Variants in CDC42BPA observed in about 807,000 individuals in gnomAD.
CDC42BPA encodes the protein CDC42 binding protein kinase alpha.
CDC42BPA carries 80 observed loss-of-function variants against 223.5 expected under a neutral mutation model. That is an observed-to-expected ratio of 0.36 (90% CI 0.30 to 0.43). CDC42BPA has a LOEUF of 0.43. CDC42BPA is among the 20% of genes least tolerant of loss of function. The pLI, the probability that CDC42BPA is intolerant of heterozygous loss-of-function variation, is 1.00. For missense variants in CDC42BPA, 1,743 were observed against 2,099.9 expected, an observed-to-expected ratio of 0.83 and a Z score of 3.32; for synonymous variants, 694 against 718.6, an observed-to-expected ratio of 0.97 and a Z score of 0.55.
intron 35 of CDC42BPA, 24 bp from the exon 36 acceptor site, chr1:226,995,004 A>G (rs745506924): frequency 1.3e-5 from 21 of 1,602,686 alleles, no homozygotes; most frequent in East Asian, 2.2e-5. Flanking sequence ...TGCAGGCAAA[A>G]TTTTACATAT....
At position 227,145,506 on chromosome 1, in the gene CDC42BPA, C is replaced by A; in HGVS notation, c.1126G>T (p.Asp376Tyr). The part of the protein sequence containing the change: ...TDTSNFDVDD[D>Y]CLKNSETMPP... Reference sequence around the variant, plus strand: ...ATACTTACAGAATTTTTTAAACAATCATCATCTACATCAAAATTCGATGTA... The same window carrying A: ...ATACTTACAGAATTTTTTAAACAATAATCATCTACATCAAAATTCGATGTA... The change falls in exon 8 of 37, where the codon GAT (aspartate) becomes TAT (tyrosine). Residue 376 changes from aspartate (D) to tyrosine (Y), a missense_variant. By Grantham distance (160) the Asp-to-Tyr change is radical. Coordinates refer to ENST00000366766, the MANE Select transcript of CDC42BPA (RefSeq NM_001394014.1). 1 of 1,613,170 alleles carries A rather than the reference C, an allele frequency of 6.2e-7. No individual in the cohort carries two copies. The highest frequency in any genetic ancestry group is 8.5e-7 in the Non-Finnish European group (1 of 1,179,524).
intron 5 of CDC42BPA, among the ~76,000 whole-genome samples, chr1:227,190,987 A>G (rs1037227745): frequency 6.6e-6 from 1 of 152,206 alleles, no homozygotes; most frequent in Admixed American, 6.5e-5. Flanking sequence ...AAGCATGATA[A>G]CTAGAAGAGA....
chr1:227,121,767 T>C (rs1234353457), intron 11 of CDC42BPA, among the ~76,000 whole-genome samples: 1 of 152,028 alleles, frequency 6.6e-6, no homozygotes, highest in East Asian at 1.9e-4. Flanking sequence ...TTTAAGTTTT[T>C]AACATTTTTA....
At chr1:227,051,847 A>G (rs1345798315) in intron 22 of CDC42BPA, 34 bp downstream of exon 22, 1 of 1,223,088 alleles carries the variant, frequency 8.2e-7, no homozygotes, top group East Asian at 4.7e-5. Context: ...ACACAAGTGA[A>G]AAGTTGGGGA....
intron 2 of CDC42BPA, among the ~76,000 whole-genome samples, chr1:227,229,202 TG>T (rs1477502245): frequency 1.3e-5 from 2 of 152,220 alleles, no homozygotes; most frequent in Non-Finnish European, 2.9e-5. Context: ...GAATATGGTA[TG>T]AAGTAGAGTC....
intron 11 of CDC42BPA, among the ~76,000 whole-genome samples, chr1:227,121,576 T>C (rs1418838475): frequency 1.3e-5 from 2 of 152,192 alleles, no homozygotes; most frequent in Non-Finnish European, 2.9e-5. Context: ...ATCTGAACAG[T>C]ATCAATTAAT....
rs764895294 is a variant in CDC42BPA at position 227,101,030 on chromosome 1, C to A, written c.2211G>T (p.Met737Ile). The change falls in exon 15 of 37, where the codon ATG becomes ATT. Residue 737 changes from methionine (M) to isoleucine (I), a missense_variant. Physicochemically the swap from Met to Ile is conservative, Grantham distance 10. Coordinates refer to ENST00000366766, the MANE Select transcript of CDC42BPA (RefSeq NM_001394014.1). The stretch of plus-strand genomic sequence containing the variant: ...TTTTTTCCAATTTGTCTTTTAAAAT[C>A]ATAATTTCTTTGTTGAGAGCAAGTT... ...GQQLALNKEI[M>I]ILKDKLEKTR... 1.3e-6 allele frequency: 2 copies of A among 1,542,670 alleles called. No individual in the cohort carries two copies. The highest frequency in any genetic ancestry group is 8.9e-7 in the Non-Finnish European group (1 of 1,121,238).
intron 12 of CDC42BPA, among the ~76,000 whole-genome samples, chr1:227,115,221 A>G (rs547298789): frequency 6.6e-4 from 100 of 152,128 alleles, no homozygotes; most frequent in Admixed American, 1.8e-3. Context: ...AAAAAAAGAT[A>G]GTAGAAACAC....
rs1198540235 is a variant in CDC42BPA at position 227,035,512 on chromosome 1, G to C, written c.3295C>G (p.Pro1099Ala). 2 of 1,610,854 alleles carry C rather than the reference G, an allele frequency of 1.2e-6. No individual in the cohort carries two copies. The highest frequency in any genetic ancestry group is 1.7e-6 in the Non-Finnish European group (2 of 1,178,900). ...TATGCTGTTCCTATTCCTTTCTGAG[G>C]ATCTATACCCAGGGGACCTTTTGTC... ...EQTKGPLGID[P>A]QKGIGTAYEG... Residue 1099 changes from proline to alanine, a missense_variant, in exon 25 of 37, where the codon CCT becomes GCT. By Grantham distance (27) the Pro-to-Ala change is conservative. Transcript: ENST00000366766.
rs562176213 is a variant in CDC42BPA, at chr1:227,020,531, A to G, written c.4615+2732T>C. ...GAGATGGCTTCCTTCCTTAAATCTC[A>G]TAAGCCAAACTCTGCTAGCTTCTTT... On this transcript the variant is annotated intron_variant, in intron 32 of 36. Transcript: ENST00000366766. Among the ~76,000 whole-genome samples the G allele has an allele frequency of 3.3e-3, 498 of 152,336 alleles. 3 individuals carry two copies. The highest frequency in any genetic ancestry group is 5.4e-3 in the Non-Finnish European group (368 of 68,038).
chr1:227,206,630 T>C (rs1672772651), intron 3 of CDC42BPA, among the ~76,000 whole-genome samples: 1 of 152,190 alleles, frequency 6.6e-6, no homozygotes, highest in South Asian at 2.1e-4. Context: ...GAAGGATTTT[T>C]AGAAATGTTT....
chr1:227,122,883 CT>C, intron 11 of CDC42BPA, among the ~76,000 whole-genome samples: 1 of 152,306 alleles, frequency 6.6e-6, no homozygotes, highest in South Asian at 2.1e-4. Context: ...TTTACTTTCA[CT>C]ACAACAAATA....
rs144315239 is a variant in CDC42BPA at position 227,058,913 on chromosome 1, C to T, written c.2905-6928G>A. ...ACAAGATTTCTCTAGAACTGATTTA[C>T]ATAAATTATAGTCAATAAGATGTAT... On this transcript the variant is annotated intron_variant, in intron 21 of 36. Transcript: ENST00000366766. 5.1e-3 allele frequency among the ~76,000 whole-genome samples: 773 copies of T among 150,838 alleles called. 7 individuals carry two copies. Among genetic ancestry groups the T allele is most frequent in the Non-Finnish European group, 7.4e-3 (503 of 67,748 alleles).
intron 16 of CDC42BPA, among the ~76,000 whole-genome samples, chr1:227,081,376 C>T (rs1680607437): frequency 6.6e-6 from 1 of 151,758 alleles, no homozygotes; most frequent in African/African-American, 2.4e-5. Flanking sequence ...AAAATGAATT[C>T]CCATGAGCCC....
chr1:227,165,537 T>C (rs1304611074), intron 5 of CDC42BPA, among the ~76,000 whole-genome samples: 1 of 152,204 alleles, frequency 6.6e-6, no homozygotes, highest in Non-Finnish European at 1.5e-5. Flanking sequence ...GAAAAAATTA[T>C]AGTATATTTC....
At chr1:227,098,758 T>C (rs1684460796) in intron 15 of CDC42BPA, among the ~76,000 whole-genome samples, 1 of 151,766 alleles carries the variant, frequency 6.6e-6, no homozygotes, top group South Asian at 2.1e-4. Context: ...ATTACTTCAA[T>C]CGTCTTCTAA....
intron 4 of CDC42BPA, among the ~76,000 whole-genome samples, chr1:227,194,302 GA>G (rs955416458): frequency 1.1e-4 from 17 of 151,896 alleles, no homozygotes; most frequent in African/African-American, 4.1e-4. Flanking sequence ...AACAATGAAA[GA>G]AAAAACTTGG....
At chr1:227,301,362 A>AT (rs368829941) in intron 1 of CDC42BPA, among the ~76,000 whole-genome samples, 9,993 of 109,928 alleles carry the variant, frequency 0.091, 1,116 homozygotes, top group African/African-American at 0.27. Context: ...GGATGTAGAC[A>AT]TTTTTTTTTT....
At chr1:227,102,876 T>C (rs2149325382) in intron 14 of CDC42BPA, among the ~76,000 whole-genome samples, 1 of 152,238 alleles carries the variant, frequency 6.6e-6, no homozygotes, top group South Asian at 2.1e-4. Flanking sequence ...ATCCAAATGA[T>C]AATCTCAGTA....
Sources: gnomAD v4.1 joint callset for allele counts (sites outside exome capture counted in the v4.1 genomes callset) on GRCh38, gnomAD v4.1.1 for gene constraint, MANE v1.5 for transcripts, NCBI Gene and HGNC (gene_info 2026-07-23, HGNC 2026-07-21) for gene names.